WDFY4: variants seen among roughly 807,000 people sequenced by gnomAD.
WDFY4 encodes the protein WDFY family member 4.
A neutral mutation model predicts 351.9 loss-of-function variants in WDFY4; 169 were observed. The ratio of observed to expected loss-of-function variants is 0.48; its 90% CI spans 0.42 to 0.55. The LOEUF (loss-of-function observed/expected upper bound fraction) is 0.55. WDFY4 is among the 20% of genes least tolerant of loss of function. The probability of loss-of-function intolerance (pLI) is 0.00; values close to 1 mark genes in which losing one functional copy is unlikely to be tolerated. For missense variants in WDFY4, 3,803 were observed against 3,935.6 expected (o/e 0.97, Z 0.90); for synonymous variants, 1,622 against 1,574.6 (o/e 1.03, Z -0.71).
chr10:48,816,984 G>C (rs187747200), intron 31 of WDFY4, among the ~76,000 whole-genome samples: 7 of 152,314 alleles, frequency 4.6e-5, no homozygotes, highest in Admixed American at 2.0e-4. Flanking sequence ...AAGAGAAAAA[G>C]GCTAGGGGTA....
chr10:48,881,160 A>T (rs1257365085), intron 43 of WDFY4, among the ~76,000 whole-genome samples: 1 of 152,132 alleles, frequency 6.6e-6, no homozygotes. Flanking sequence ...ATCTGCTGTT[A>T]CTGCTCTGGC....
chr10:48,800,429 T>C (rs766763213), intron 24 of WDFY4, among the ~76,000 whole-genome samples: 4 of 151,128 alleles, frequency 2.6e-5, no homozygotes, highest in Non-Finnish European at 4.4e-5. Flanking sequence ...GAGAAGGGAA[T>C]GGACAGGAAG....
At chr10:48,888,971 T>C (rs1462018396) in intron 43 of WDFY4, among the ~76,000 whole-genome samples, 2 of 152,258 alleles carry the variant, frequency 1.3e-5, no homozygotes, top group Non-Finnish European at 2.9e-5. Flanking sequence ...CTAGGATTCT[T>C]GTATATCTTG....
chr10:48,738,599 C>T (rs1052251745), intron 11 of WDFY4, among the ~76,000 whole-genome samples: 1 of 152,144 alleles, frequency 6.6e-6, no homozygotes, highest in African/African-American at 2.4e-5. Flanking sequence ...CTTCCAGACT[C>T]GCCCACCACT....
Position 48,725,926 on chromosome 10 carries a change from C to T in WDFY4, c.637C>T (p.Leu213Phe), listed in dbSNP as rs1413949384. The T allele has an allele frequency of 1.3e-6, 2 of 1,551,412 alleles. No individual in the cohort carries two copies. The highest frequency in any genetic ancestry group is 1.7e-6 in the Non-Finnish European group (2 of 1,146,730). ...TGACTCTCAGGGCCTGGAGGGACTC[C>T]TCTCAGGAAGTGAGCTGCAGTCTCT... is the stretch of plus-strand genomic sequence containing the variant. ...CSDSQGLEGLLSGSELQSLLI... is the reference protein window; with the variant it reads ...CSDSQGLEGLFSGSELQSLLI... The change falls in exon 6 of 62, where the codon CTC (leucine) becomes TTC (phenylalanine). Residue 213 changes from leucine to phenylalanine, a missense_variant. Leu to Phe is a conservative substitution (Grantham distance 22, BLOSUM62 0). Coordinates refer to ENST00000325239, the MANE Select transcript of WDFY4 (RefSeq NM_001394531.1).
At chr10:48,720,476 TAC>T (rs1050558126) in intron 3 of WDFY4, among the ~76,000 whole-genome samples, 1 of 149,020 alleles carries the variant, frequency 6.7e-6, no homozygotes, top group Non-Finnish European at 1.5e-5. Context: ...CACACAGAGA[TAC>T]AGAGACACAT....
At chr10:48,819,337 G>T (rs949126783) in intron 32 of WDFY4, among the ~76,000 whole-genome samples, 1 of 152,226 alleles carries the variant, frequency 6.6e-6, no homozygotes, top group Non-Finnish European at 1.5e-5. Context: ...GTGGCCAAAG[G>T]CTTGGATTTG....
At chr10:48,695,400 A>G (rs1465665494) in intron 1 of WDFY4, among the ~76,000 whole-genome samples, 1 of 151,994 alleles carries the variant, frequency 6.6e-6, no homozygotes, top group Non-Finnish European at 1.5e-5. Flanking sequence ...ATATTCCACC[A>G]CCACTGACCA....
chr10:48,750,283 C>A (rs1428990572), intron 12 of WDFY4, among the ~76,000 whole-genome samples: 1 of 152,222 alleles, frequency 6.6e-6, no homozygotes, highest in Non-Finnish European at 1.5e-5. Flanking sequence ...GTGACCCTGT[C>A]GTTCCCACTT....
chr10:48,709,952 C>G lies in WDFY4; in HGVS notation c.220C>G (p.Pro74Ala). The G allele has an allele frequency of 1.9e-6, 3 of 1,551,184 alleles. 1 individual carries two copies. The highest frequency in any genetic ancestry group is 2.4e-5 in the South Asian group (2 of 84,040). Residue 74 changes from proline (P) to alanine (A), a missense_variant, in exon 2 of 62, where the codon CCC becomes GCC. This residue lies in a region of WDFY4 where 488 missense variants were observed against 456.8 expected (regional missense o/e 1.07). Coordinates refer to ENST00000325239, the MANE Select transcript of WDFY4 (RefSeq NM_001394531.1). ...ERQKSLLSLLPLFLKAWEHSV... is the reference protein window; with the variant it reads ...ERQKSLLSLLALFLKAWEHSV... ...TCAGAAGAGCCTGTTGAGTCTTCTCCCCCTATTCCTAAAGGTTAGTGTTCT... is the reference window on the plus strand; with the variant it reads ...TCAGAAGAGCCTGTTGAGTCTTCTCGCCCTATTCCTAAAGGTTAGTGTTCT...
intron 2 of WDFY4, among the ~76,000 whole-genome samples, chr10:48,717,956 T>C (rs1293202302): frequency 6.6e-6 from 1 of 152,206 alleles, no homozygotes; most frequent in Non-Finnish European, 1.5e-5. Flanking sequence ...CCTGTAACTT[T>C]ATTGGATCAG....
In WDFY4 at chr10:48,970,294, G is replaced by T. The variant is rs921731015; in HGVS notation, c.8928+5G>T. The T allele has an allele frequency of 7.8e-5, 121 of 1,549,706 alleles. No homozygotes were observed. Among genetic ancestry groups the T allele is most frequent in the Non-Finnish European group, 1.0e-4 (119 of 1,146,968 alleles). Reference sequence around the variant, plus strand: ...AGGGGCTTGCGCCTCCGGCAGGTATGGTCCAGCTCGTGCAGGTGCGGTCCT... The same window carrying T: ...AGGGGCTTGCGCCTCCGGCAGGTATTGTCCAGCTCGTGCAGGTGCGGTCCT... On this transcript the variant is annotated splice_donor_5th_base_variant and intron_variant, in intron 57 of 61. Coordinates refer to ENST00000325239, the MANE Select transcript of WDFY4 (RefSeq NM_001394531.1).
chr10:48,852,445 A>AT (rs1554791462), intron 39 of WDFY4, among the ~76,000 whole-genome samples: 2 of 152,216 alleles, frequency 1.3e-5, no homozygotes, highest in Non-Finnish European at 2.9e-5. Flanking sequence ...CTGTTAGTTA[A>AT]TTGAAAGTAA....
chr10:48,913,325 G>C (rs780439308), intron 47 of WDFY4: 6 of 1,485,120 alleles, frequency 4.0e-6, no homozygotes, highest in Non-Finnish European at 5.5e-6. Flanking sequence ...TTCCTGTGGA[G>C]GTAGCCCACT....
At chr10:48,974,527 A>AAAAAAAAAAAAAAAAAAAAAAC in intron 57 of WDFY4, among the ~76,000 whole-genome samples, 12 of 23,194 alleles carry the variant, frequency 5.2e-4, no homozygotes, top group African/African-American at 8.0e-4. Flanking sequence ...AAAAAAAAAA[A>AAAAAAAAAAAAAAAAAAAAAAC]AACAACTCAT....
intron 2 of WDFY4, among the ~76,000 whole-genome samples, chr10:48,713,370 T>C (rs1051572726): frequency 3.5e-4 from 54 of 152,334 alleles, no homozygotes; most frequent in African/African-American, 1.3e-3. Flanking sequence ...GCCTGTTTGG[T>C]TTTCTTCCAT....
intron 19 of WDFY4, 135 bp from the exon 20 acceptor site, chr10:48,786,504 A>G (rs1017109561): frequency 9.1e-6 from 6 of 656,518 alleles, no homozygotes; most frequent in African/African-American, 4.2e-5. Flanking sequence ...TTTGAGAATT[A>G]TATTTTAGTT....
At chr10:48,708,232 G>A (rs992951795) in intron 1 of WDFY4, among the ~76,000 whole-genome samples, 1 of 152,160 alleles carries the variant, frequency 6.6e-6, no homozygotes, top group Non-Finnish European at 1.5e-5. Context: ...TCGAAGAGGA[G>A]CTGGGGGAAG....
intron 12 of WDFY4, among the ~76,000 whole-genome samples, chr10:48,748,064 A>G (rs2065066778): frequency 6.6e-6 from 1 of 152,072 alleles, no homozygotes; most frequent in Non-Finnish European, 1.5e-5. Flanking sequence ...CCTGTTCTCT[A>G]TATTTCAGGG....
Sources: gnomAD v4.1 joint callset for allele counts (sites outside exome capture counted in the v4.1 genomes callset) on GRCh38, gnomAD v4.1.1 for gene constraint, gnomAD v4.1.1 regional missense constraint, MANE v1.5 for transcripts, NCBI Gene and HGNC (gene_info 2026-07-23, HGNC 2026-07-21) for gene names.